The following CPEB1 variants were observed in gnomAD, a reference collection of about 807,000 sequenced individuals.
CPEB1 encodes the protein cytoplasmic polyadenylation element binding protein 1, also known as cytoplasmic polyadenylation element-binding protein 1.
A neutral mutation model predicts 65.8 loss-of-function variants in CPEB1; 7 were observed. That is an observed-to-expected ratio of 0.11 (90% CI 0.06 to 0.20). The LOEUF is 0.20. Ranked by LOEUF, CPEB1 falls within the 10% of genes least tolerant of loss-of-function variation. The pLI, the probability that CPEB1 is intolerant of heterozygous loss-of-function variation, is 1.00. For synonymous variants in CPEB1, 262 were observed against 260.0 expected, an observed-to-expected ratio of 1.01 and a Z score of -0.08; for missense variants, 551 against 712.2, an observed-to-expected ratio of 0.77 and a Z score of 2.58.
At chr15:82,639,220 T>C (rs2046902898) in intron 1 of CPEB1, among the ~76,000 whole-genome samples, 1 of 152,162 alleles carries the variant, frequency 6.6e-6, no homozygotes, top group African/African-American at 2.4e-5. Flanking sequence ...TATTCCTACT[T>C]TATTCTGTTG....
chr15:82,605,646 T>C (rs1444399896), intron 3 of CPEB1, among the ~76,000 whole-genome samples: 8 of 152,240 alleles, frequency 5.3e-5, no homozygotes, highest in Admixed American at 2.6e-4. Context: ...CTGTACACCA[T>C]AAAGTTCTCA....
chr15:82,547,418 T>A (rs2035446330), intron 10 of CPEB1, among the ~76,000 whole-genome samples, 181 bp from the exon 11 acceptor site: 1 of 146,006 alleles, frequency 6.8e-6, no homozygotes, highest in South Asian at 2.3e-4. Context: ...TGCCTCAGCC[T>A]CCCGAGTAGC....
At chr15:82,577,020 G>A (rs577105075) in intron 3 of CPEB1, among the ~76,000 whole-genome samples, 2 of 152,178 alleles carry the variant, frequency 1.3e-5, no homozygotes, top group East Asian at 1.9e-4. Flanking sequence ...GTGAGACCCC[G>A]TCTCCAAAAA....
At chr15:82,600,554 T>C (rs1350970192) in intron 3 of CPEB1, among the ~76,000 whole-genome samples, 1 of 152,128 alleles carries the variant, frequency 6.6e-6, no homozygotes, top group Non-Finnish European at 1.5e-5. Flanking sequence ...AATTGAAATG[T>C]ATAGCAGCAA....
At chr15:82,630,306 T>A in intron 1 of CPEB1, 1 of 157,408 alleles carries the variant, frequency 6.4e-6, no homozygotes, top group Non-Finnish European at 1.4e-5. Context: ...CTGCCTGCTC[T>A]CTATAGTGAG....
At chr15:82,647,825 C>A (rs1183329490), upstream of CPEB1, 3 of 1,283,254 alleles carry the variant, frequency 2.3e-6, no homozygotes, top group Non-Finnish European at 3.0e-6. Context: ...GGGACGCGGC[C>A]CCGCCCAGGC....
At chr15:82,624,327 T>A (rs2151305645) in intron 3 of CPEB1, among the ~76,000 whole-genome samples, 1 of 152,292 alleles carries the variant, frequency 6.6e-6, no homozygotes, top group African/African-American at 2.4e-5. Context: ...TAGAATTCCT[T>A]GAGTTCCCTT....
At chr15:82,617,468 A>G (rs1225494126) in intron 3 of CPEB1, among the ~76,000 whole-genome samples, 3 of 152,202 alleles carry the variant, frequency 2.0e-5, no homozygotes, top group Non-Finnish European at 4.4e-5. Flanking sequence ...AAACTGCCAC[A>G]GTCTGGAGGA....
chr15:82,647,601 C>T (rs1204225862), upstream of CPEB1: 3 of 326,748 alleles, frequency 9.2e-6, no homozygotes, highest in Non-Finnish European at 1.7e-5. Context: ...TCGGAGGCCC[C>T]ACCGGCCGCC....
At chr15:82,555,775 C>T in intron 6 of CPEB1, 95 bp downstream of exon 6, 1 of 1,386,062 alleles carries the variant, frequency 7.2e-7, no homozygotes, top group South Asian at 1.4e-5. Flanking sequence ...AACCAAGCCT[C>T]CTCTAGACAG....
chr15:82,632,186 A>C (rs7181761), intron 1 of CPEB1, among the ~76,000 whole-genome samples: 2 of 151,464 alleles, frequency 1.3e-5, no homozygotes, highest in Non-Finnish European at 1.5e-5. Context: ...GTTTCACCAC[A>C]TTAGTCAGGA....
At chr15:82,570,074 C>A (rs2039777846) in intron 4 of CPEB1, among the ~76,000 whole-genome samples, 1 of 152,250 alleles carries the variant, frequency 6.6e-6, no homozygotes, top group East Asian at 1.9e-4. Context: ...TATCTTAACC[C>A]AGAGATAGTT....
At chr15:82,626,380 G>A (rs918983867) in intron 3 of CPEB1, among the ~76,000 whole-genome samples, 13 of 151,634 alleles carry the variant, frequency 8.6e-5, no homozygotes, top group Non-Finnish European at 1.6e-4. Flanking sequence ...GTTGCAGTGA[G>A]CCGAGATCAC....
intron 3 of CPEB1, among the ~76,000 whole-genome samples, chr15:82,626,174 A>G (rs2045755180): frequency 6.8e-6 from 1 of 148,144 alleles, no homozygotes; most frequent in Admixed American, 6.7e-5. Flanking sequence ...AGTGGCTCAC[A>G]CCTATAATCC....
intron 4 of CPEB1, among the ~76,000 whole-genome samples, chr15:82,562,834 C>CAAA (rs771713486): frequency 6.6e-5 from 7 of 106,084 alleles, no homozygotes; most frequent in African/African-American, 2.3e-4. Context: ...AATCCTGTCT[C>CAAA]AAAAAAAAAA....
chr15:82,594,206 T>C (rs1281787679), intron 3 of CPEB1, among the ~76,000 whole-genome samples: 1 of 152,238 alleles, frequency 6.6e-6, no homozygotes, highest in Admixed American at 6.5e-5. Flanking sequence ...TGTTTTCATC[T>C]ACATTGAGAA....
At position 82,556,006 on chromosome 15, in the gene CPEB1, A is replaced by C; in HGVS notation, c.804T>G (p.Ala268=). The change falls in exon 6 of 13, where the codon GCT becomes GCG. Residue 268 remains alanine (A), a synonymous_variant. Transcript: ENST00000684509. The part of the protein sequence containing the change: ...SRMDQEQAAL[A]AVTPSPTSAS... The stretch of plus-strand genomic sequence containing the variant: ...CACTGGTTGGGGAGGGAGTGACTGC[A>C]GCAAGAGCAGCTTGCTCTTGGTCCA... The C allele has an allele frequency of 6.2e-7, 1 of 1,613,832 alleles. No homozygotes were observed. Among genetic ancestry groups the C allele is most frequent in the Non-Finnish European group, 8.5e-7 (1 of 1,179,884 alleles).
intron 3 of CPEB1, among the ~76,000 whole-genome samples, chr15:82,605,681 GGAA>G (rs746309864): frequency 2.0e-5 from 3 of 152,080 alleles, no homozygotes; most frequent in Non-Finnish European, 4.4e-5. Context: ...CTTAAAGCTA[GGAA>G]GAAGACAAAA....
intron 3 of CPEB1, among the ~76,000 whole-genome samples, chr15:82,612,841 AGAAC>A (rs1288173387): frequency 1.6e-5 from 2 of 122,122 alleles, no homozygotes; most frequent in African/African-American, 6.5e-5. Flanking sequence ...CTCAAAAAAA[AGAAC>A]AAACAAACAA....
Sources: gnomAD v4.1 joint callset for allele counts (sites outside exome capture counted in the v4.1 genomes callset) on GRCh38, gnomAD v4.1.1 for gene constraint, MANE v1.5 for transcripts, NCBI Gene and HGNC (gene_info 2026-07-23, HGNC 2026-07-21) for gene names.